The following CAST variants were observed in gnomAD, a reference collection of about 807,000 sequenced individuals.
CAST encodes the protein MIR583 host.
CAST carries 76 observed loss-of-function variants against 119.6 expected under a neutral mutation model. That is an observed-to-expected ratio of 0.64 (90% CI 0.53 to 0.77). The LOEUF (loss-of-function observed/expected upper bound fraction) is 0.77. CAST is among the 30% of genes least tolerant of loss of function. CAST has a pLI of 0.00. For missense variants in CAST, 953 were observed against 946.5 expected (o/e 1.01, Z -0.09); for synonymous variants, 319 against 331.6 (o/e 0.96, Z 0.41).
chr5:96,424,168 G>A, the CAST span, among the ~76,000 whole-genome samples: 4 of 152,286 alleles, frequency 2.6e-5, no homozygotes, highest in Non-Finnish European at 4.4e-5. Context: ...AGAATGCCAG[G>A]TACCCGGTGA....
At chr5:96,361,194 G>C in the CAST span, among the ~76,000 whole-genome samples, 122 of 152,296 alleles carry the variant, frequency 8.0e-4, no homozygotes, top group African/African-American at 2.8e-3. Context: ...CCAAGCTCGA[G>C]TGTCCCAGGT....
chr5:96,533,831 G>T (rs905284719), intron 1 of CAST, among the ~76,000 whole-genome samples: 3 of 152,132 alleles, frequency 2.0e-5, no homozygotes. Flanking sequence ...TGTACCCAGG[G>T]ATAGGCACTT....
At chr5:96,224,753 C>T in the CAST span, among the ~76,000 whole-genome samples, 6 of 152,270 alleles carry the variant, frequency 3.9e-5, no homozygotes, top group Middle Eastern at 3.4e-3. Flanking sequence ...ATGGCAGCCA[C>T]GGGATACTAA....
the CAST span, chr5:96,215,314 A>T: frequency 2.6e-5 from 4 of 152,192 alleles, no homozygotes; most frequent in African/African-American, 4.8e-5. Context: ...AACTGAAAAA[A>T]TTTTTAAATA....
At chr5:96,359,887 C>T in the CAST span, among the ~76,000 whole-genome samples, 1 of 152,144 alleles carries the variant, frequency 6.6e-6, no homozygotes, top group African/African-American at 2.4e-5. Flanking sequence ...CCTGTCTTGC[C>T]CGGTTGGGGA....
chr5:96,712,540 G>C (rs138067473), intron 3 of CAST, among the ~76,000 whole-genome samples: 9 of 152,210 alleles, frequency 5.9e-5, no homozygotes, highest in African/African-American at 2.2e-4. Context: ...TGCTGCCCAG[G>C]CTGGTCTCTA....
the CAST span, among the ~76,000 whole-genome samples, chr5:96,315,277 T>C: frequency 6.6e-6 from 1 of 152,228 alleles, no homozygotes; most frequent in East Asian, 1.9e-4. Context: ...AAAAAGTTTG[T>C]TGTTTATCTG....
the CAST span, among the ~76,000 whole-genome samples, chr5:96,105,315 G>C: frequency 6.6e-6 from 1 of 152,174 alleles, no homozygotes; most frequent in Non-Finnish European, 1.5e-5. Context: ...TCTTTTGCCA[G>C]TTTTCAAAGG....
At chr5:96,261,892 C>A in the CAST span, among the ~76,000 whole-genome samples, 1 of 152,328 alleles carries the variant, frequency 6.6e-6, no homozygotes, top group South Asian at 2.1e-4. Flanking sequence ...TATGCACCTT[C>A]CAATTTTCAG....
chr5:96,674,145 C>T (rs979325918), intron 1 of CAST, among the ~76,000 whole-genome samples: 1 of 152,104 alleles, frequency 6.6e-6, no homozygotes, highest in Non-Finnish European at 1.5e-5. Context: ...TGGCAAACAA[C>T]AGATTTTAGT....
intron 1 of CAST, among the ~76,000 whole-genome samples, chr5:96,553,974 A>T (rs1343115867): frequency 6.6e-6 from 1 of 152,250 alleles, no homozygotes; most frequent in Non-Finnish European, 1.5e-5. Flanking sequence ...AAATGGCCTT[A>T]CTGCCCAAAG....
chr5:96,671,631 T>TG (rs1240482394), intron 1 of CAST, among the ~76,000 whole-genome samples: 1 of 152,234 alleles, frequency 6.6e-6, no homozygotes, highest in Non-Finnish European at 1.5e-5. Flanking sequence ...ACATAGGAGA[T>TG]GCCTGGCACT....
intron 9 of CAST, among the ~76,000 whole-genome samples, chr5:96,732,689 A>T (rs939465492): frequency 9.9e-5 from 15 of 151,906 alleles, no homozygotes; most frequent in African/African-American, 3.6e-4. Context: ...TGGGGAAAGG[A>T]TTCCCTATTT....
At chr5:96,383,102 T>C in the CAST span, among the ~76,000 whole-genome samples, 1 of 152,190 alleles carries the variant, frequency 6.6e-6, no homozygotes, top group Admixed American at 6.5e-5. Context: ...TGGTTATGTG[T>C]GTGGTTGCCT....
the CAST span, among the ~76,000 whole-genome samples, chr5:96,018,611 A>T: frequency 6.6e-6 from 1 of 152,194 alleles, no homozygotes; most frequent in Non-Finnish European, 1.5e-5. Flanking sequence ...TTGAAACTTT[A>T]TAGTTTCCCC....
the CAST span, among the ~76,000 whole-genome samples, chr5:96,443,346 T>G: frequency 6.6e-6 from 1 of 152,152 alleles, no homozygotes; most frequent in African/African-American, 2.4e-5. Flanking sequence ...CCAATAAAAT[T>G]TATGTATATC....
the CAST span, among the ~76,000 whole-genome samples, chr5:96,206,896 A>G: frequency 6.6e-6 from 1 of 152,184 alleles, no homozygotes; most frequent in African/African-American, 2.4e-5. Flanking sequence ...TGCTGTGGGC[A>G]GTATGGCCAT....
At chr5:96,514,809 T>C in the CAST span, among the ~76,000 whole-genome samples, 126 of 152,320 alleles carry the variant, frequency 8.3e-4, no homozygotes, top group Middle Eastern at 0.01. Flanking sequence ...TGGAGTGCAG[T>C]GGCACAATCT....
the CAST span, among the ~76,000 whole-genome samples, chr5:96,326,853 A>G: frequency 4.0e-4 from 61 of 152,178 alleles, no homozygotes; most frequent in South Asian, 2.5e-3. Flanking sequence ...ATGATGTTAT[A>G]CTTATTTTAG....
Sources: gnomAD v4.1 joint callset for allele counts (sites outside exome capture counted in the v4.1 genomes callset) on GRCh38, gnomAD v4.1.1 for gene constraint, MANE v1.5 for transcripts, NCBI Gene and HGNC (gene_info 2026-07-23, HGNC 2026-07-21) for gene names.